Variants in STARD6 observed in about 807,000 individuals in gnomAD.
The protein encoded by STARD6 is stAR-related lipid transfer protein 6.
In STARD6, 21 loss-of-function variants were observed where a neutral mutation model predicts 22.3. The observed-to-expected ratio is 0.94, with a 90% CI of 0.67 to 1.35. The LOEUF (loss-of-function observed/expected upper bound fraction) is 1.35, where lower values mean the gene tolerates loss of function less well. STARD6 is among the 40% of genes most tolerant of loss of function. The pLI is 0.00. For synonymous variants in STARD6, 80 were observed against 88.1 expected (o/e 0.91, Z 0.52); for missense variants, 269 against 266.9 (o/e 1.01, Z -0.05).
At position 54,337,146 on chromosome 18, in the gene STARD6, A is replaced by G. The variant is rs898971755; in HGVS notation, c.246T>C (p.Asn82=). 3 of 1,613,042 alleles carry G rather than the reference A, an allele frequency of 1.9e-6. No homozygotes were observed. The highest frequency in any genetic ancestry group is 1.3e-5 in the African/African-American group (1 of 74,900). Residue 82 remains asparagine (N), a synonymous_variant, in exon 5 of 8, where the codon AAT becomes AAC. Coordinates refer to ENST00000307844, the MANE Select transcript of STARD6 (RefSeq NM_139171.2). ...TTACCGAATCAATCCTGTGTACCAT[A>G]TTATACACTTGCAATGATTTATCCC... is the stretch of plus-strand genomic sequence containing the variant. ...ITWDKSLQVY[N]MVHRIDSDTF... is the part of the protein sequence containing the mutation.
At chr18:54,340,945 T>TA (rs548285463) in intron 4 of STARD6, among the ~76,000 whole-genome samples, 37 of 152,204 alleles carry the variant, frequency 2.4e-4, no homozygotes, top group Non-Finnish European at 5.0e-4. Flanking sequence ...GTAATAACTA[T>TA]AAACGTATAT....
At position 54,343,355 on chromosome 18, in the gene STARD6, G is replaced by A. The variant is rs1407065699; in HGVS notation, c.141-6104C>T. 1.0e-3 allele frequency among the ~76,000 whole-genome samples: 144 copies of A among 141,524 alleles called. 2 individuals are homozygous for A. The Middle Eastern group carries it at 0.015, about 15-fold the overall frequency. The allele number at this position is 141,524 out of a possible 152,430, so 92.8% of individuals were successfully genotyped here. A position where few individuals can be genotyped will look rare whatever the true frequency, so the allele number is the denominator to read the frequency against. Reference sequence around the variant, plus strand: ...AGCATCTCCGCCCGGCAGCCACCCCGTCCGGGAGGGAGGTGGGGGGTCAGC... The same window carrying A: ...AGCATCTCCGCCCGGCAGCCACCCCATCCGGGAGGGAGGTGGGGGGTCAGC... On this transcript the variant is annotated intron_variant, in intron 4 of 7. Transcript: ENST00000307844.
intron 4 of STARD6, among the ~76,000 whole-genome samples, chr18:54,339,254 G>A (rs1657882): frequency 0.066 from 9,992 of 151,510 alleles, 379 homozygotes; most frequent in African/African-American, 0.087. Flanking sequence ...CTGGATAAGA[G>A]AGTGAGACCC....
At chr18:54,327,909 C>T (rs971013687) in intron 7 of STARD6, among the ~76,000 whole-genome samples, 4 of 151,360 alleles carry the variant, frequency 2.6e-5, no homozygotes, top group African/African-American at 9.7e-5. Flanking sequence ...CAAGGTCAAC[C>T]TGTTCCAGAA....
intron 7 of STARD6, among the ~76,000 whole-genome samples, chr18:54,325,561 T>G (rs891470125): frequency 3.9e-5 from 6 of 152,228 alleles, no homozygotes; most frequent in African/African-American, 9.6e-5. Flanking sequence ...ATGCTTTTTT[T>G]TTTTGAGACA....
intron 4 of STARD6, among the ~76,000 whole-genome samples, chr18:54,341,862 T>C (rs1325311567): frequency 6.6e-6 from 1 of 152,052 alleles, no homozygotes; most frequent in Non-Finnish European, 1.5e-5. Flanking sequence ...TTTAGGAAAC[T>C]AGAAAATGAA....
intron 7 of STARD6, among the ~76,000 whole-genome samples, chr18:54,327,426 A>C (rs989372623): frequency 6.6e-6 from 1 of 152,196 alleles, no homozygotes; most frequent in African/African-American, 2.4e-5. Flanking sequence ...CTATTAGAAT[A>C]AAATTATATG....
At chr18:54,332,281 A>C (rs1283086308) in intron 5 of STARD6, among the ~76,000 whole-genome samples, 2 of 152,200 alleles carry the variant, frequency 1.3e-5, no homozygotes, top group Non-Finnish European at 2.9e-5. Context: ...ATTAAAGACC[A>C]ATGTTGTATG....
In STARD6 at chr18:54,354,038, A is replaced by G; in HGVS notation, c.140+16T>C. On this transcript the variant is annotated intron_variant, in intron 4 of 7. Transcript: ENST00000307844. ...TGAATTTAAAACAGTAATTGTAAAT[A>G]GAAGATTGTACTCACAGATTTCCAT... The G allele has an allele frequency of 6.6e-7, 1 of 1,517,314 alleles. No homozygotes were observed. Among genetic ancestry groups the G allele is most frequent in the Non-Finnish European group, 9.0e-7 (1 of 1,115,594 alleles). 94.0% of individuals were successfully genotyped at this position (1,517,314 alleles called of 1,614,324 possible).
At chr18:54,351,283 C>T (rs1423325113) in intron 4 of STARD6, among the ~76,000 whole-genome samples, 1 of 152,158 alleles carries the variant, frequency 6.6e-6, no homozygotes, top group East Asian at 1.9e-4. Flanking sequence ...AGCTTGGTCA[C>T]TGTTGCTGCA....
In STARD6 at chr18:54,330,935, A is replaced by T; in HGVS notation, c.385+807T>A. Among the ~76,000 whole-genome samples, 2 of 152,134 alleles carry T rather than the reference A, an allele frequency of 1.3e-5. 1 individual carries two copies. The highest frequency in any genetic ancestry group is 3.8e-4 in the East Asian group (2 of 5,200). On this transcript the variant is annotated intron_variant, in intron 6 of 7. Transcript: ENST00000307844. ...ATTATGAACATCAGCCCTTAGTGGT[A>T]TGCTGCAGAAAGAGCTAACTGGGTT...
At chr18:54,331,493 C>T (rs1486195621) in intron 6 of STARD6, among the ~76,000 whole-genome samples, 5 of 152,088 alleles carry the variant, frequency 3.3e-5, no homozygotes, top group Admixed American at 6.5e-5. Flanking sequence ...AAGTATCTAT[C>T]TATACTCAGT....
At chr18:54,355,636 C>T (rs1255402176) in intron 2 of STARD6, 1 of 152,192 alleles carries the variant, frequency 6.6e-6, no homozygotes, top group African/African-American at 2.4e-5. Context: ...CTTCCAGGAT[C>T]CAGAACTCTG....
At chr18:54,348,811 C>A (rs929882928) in intron 4 of STARD6, among the ~76,000 whole-genome samples, 9 of 151,996 alleles carry the variant, frequency 5.9e-5, no homozygotes, top group South Asian at 2.1e-4. Flanking sequence ...CTCTTCCAGG[C>A]AAATGCTTAA....
chr18:54,349,175 A>T (rs1322046030), intron 4 of STARD6, among the ~76,000 whole-genome samples: 3 of 152,190 alleles, frequency 2.0e-5, no homozygotes. Flanking sequence ...TATGAAGAAG[A>T]TAATAGCAGA....
intron 4 of STARD6, among the ~76,000 whole-genome samples, chr18:54,342,538 A>ACTG (rs1234730956): frequency 7.4e-6 from 1 of 134,334 alleles, no homozygotes; most frequent in East Asian, 2.3e-4. Context: ...GCTGGACTGT[A>ACTG]CTGCTGCCAT....
At chr18:54,332,321 G>A (rs2088871947) in intron 5 of STARD6, among the ~76,000 whole-genome samples, 1 of 152,208 alleles carries the variant, frequency 6.6e-6, no homozygotes, top group Non-Finnish European at 1.5e-5. Flanking sequence ...GTGAAACCAG[G>A]AGGGTCTTGA....
At chr18:54,334,447 T>A (rs967448815) in intron 5 of STARD6, among the ~76,000 whole-genome samples, 3 of 152,126 alleles carry the variant, frequency 2.0e-5, no homozygotes, top group Admixed American at 2.0e-4. Flanking sequence ...CTTCTCCCCC[T>A]GACCTTTGAG....
intron 4 of STARD6, among the ~76,000 whole-genome samples, chr18:54,350,621 AGATTT>A (rs2089086843): frequency 6.6e-6 from 1 of 152,300 alleles, no homozygotes; most frequent in African/African-American, 2.4e-5. Context: ...TTCAGGTCTT[AGATTT>A]AAGTCTTTGA....
Sources: gnomAD v4.1 joint callset for allele counts (sites outside exome capture counted in the v4.1 genomes callset) on GRCh38, gnomAD v4.1.1 for gene constraint, MANE v1.5 for transcripts, NCBI Gene and HGNC (gene_info 2026-07-23, HGNC 2026-07-21) for gene names.